The following CHRM2 variants were observed in gnomAD, a reference collection of about 807,000 sequenced individuals.
CHRM2 encodes cholinergic receptor muscarinic 2, also known as muscarinic acetylcholine receptor M2.
In CHRM2, 8 loss-of-function variants were observed where a neutral mutation model predicts 25.0. The observed-to-expected ratio is 0.32, with a 90% CI of 0.19 to 0.58. The LOEUF (loss-of-function observed/expected upper bound fraction) is 0.58, where lower values mean the gene tolerates loss of function less well. CHRM2 is among the 20% of genes least tolerant of loss of function. The pLI, the probability that CHRM2 is intolerant of heterozygous loss-of-function variation, is 0.88. For synonymous variants in CHRM2, 202 were observed against 205.7 expected, an observed-to-expected ratio of 0.98 and a Z score of 0.15; for missense variants, 440 against 567.1, an observed-to-expected ratio of 0.78 and a Z score of 2.28.
rs117586471 is a variant in CHRM2 at position 136,959,082 on chromosome 7, A to G, written c.-124-33105A>G. On this transcript the variant is annotated intron_variant, in intron 2 of 3. Transcript: ENST00000680005. Reference sequence around the variant, plus strand: ...TGAACCTCTTCTGGGATAGGCACCAATATCATGTGAACAATGGTGACCCAA... The same window carrying G: ...TGAACCTCTTCTGGGATAGGCACCAGTATCATGTGAACAATGGTGACCCAA... 1.7e-4 allele frequency among the ~76,000 whole-genome samples: 26 copies of G among 152,256 alleles called. No individual in the cohort carries two copies. The East Asian group carries it at 5.0e-3, about 29-fold the overall frequency.
intron 2 of CHRM2, among the ~76,000 whole-genome samples, chr7:136,985,504 C>CAAAAAAAAAAAAAAAAAAAAA (rs974105875): frequency 6.7e-5 from 4 of 59,756 alleles, no homozygotes; most frequent in Non-Finnish European, 1.1e-4. Flanking sequence ...AGTTAGACTC[C>CAAAAAAAAAAAAAAAAAAAAA]AAAAAAAAAA....
rs751591780 is a variant in CHRM2 at position 137,015,228 on chromosome 7, G to A, written c.363G>A (p.Arg121=). ...ATCTGCTCATCATCAGCTTTGACAG[G>A]TACTTCTGTGTCACAAAACCTCTGA... ...VMNLLIISFD[R]YFCVTKPLTY... is the part of the protein sequence containing the mutation. The change falls in exon 4 of 4, where the codon AGG becomes AGA. Residue 121 remains arginine, a synonymous_variant. Coordinates refer to ENST00000680005, the MANE Select transcript of CHRM2 (RefSeq NM_001006630.2). The surrounding 1 kb of genome is among the most constrained non-coding windows in gnomAD (Gnocchi z 5.1). The A allele has an allele frequency of 2.5e-6, 4 of 1,613,210 alleles. No homozygotes were observed. In the African/African-American group the frequency reaches 4.0e-5, roughly 16 times the overall value.
chr7:136,968,333 A>G (rs1249368777), intron 2 of CHRM2, among the ~76,000 whole-genome samples: 2 of 152,024 alleles, frequency 1.3e-5, no homozygotes, highest in Non-Finnish European at 2.9e-5. Context: ...ATAAGATATC[A>G]TCTGATACTT....
intron 2 of CHRM2, among the ~76,000 whole-genome samples, chr7:136,964,586 T>C (rs907740778): frequency 6.6e-6 from 1 of 152,210 alleles, no homozygotes; most frequent in Non-Finnish European, 1.5e-5. Flanking sequence ...AAAGGAAATA[T>C]TGGATTCCTT....
intron 2 of CHRM2, among the ~76,000 whole-genome samples, chr7:136,937,864 A>G (rs180963477): frequency 7.4e-4 from 112 of 152,334 alleles, no homozygotes; most frequent in African/African-American, 2.6e-3. Flanking sequence ...TTCTTTCACC[A>G]CCAAACACAC....
Position 137,015,566 on chromosome 7 carries a change from G to T in CHRM2, c.701G>T (p.Ser234Ile). The change falls in exon 4 of 4, where the codon AGT becomes ATT. Residue 234 changes from serine to isoleucine, a missense_variant. By Grantham distance (142) the Ser-to-Ile change is moderately radical. Transcript: ENST00000680005. This position sits in a 1 kb window ranked among gnomAD's most constrained non-coding sequence, Gnocchi z 5.1. ...PVANQDPVSP[S>I]LVQGRIVKPN... The stretch of plus-strand genomic sequence containing the variant: ...GCCAACCAAGACCCCGTTTCTCCAA[G>T]TCTGGTACAAGGAAGGATAGTGAAG... The T allele has an allele frequency of 6.2e-7, 1 of 1,612,896 alleles. No homozygotes were observed. Among genetic ancestry groups the T allele is most frequent in the Non-Finnish European group, 8.5e-7 (1 of 1,179,514 alleles).
chr7:136,986,134 G>A (rs1802838944), intron 2 of CHRM2, among the ~76,000 whole-genome samples: 1 of 152,180 alleles, frequency 6.6e-6, no homozygotes, highest in Admixed American at 6.5e-5. Flanking sequence ...CATTTGGACA[G>A]TGATGGAAAT....
intron 3 of CHRM2, among the ~76,000 whole-genome samples, chr7:136,996,083 G>T (rs1319537157): frequency 1.3e-5 from 2 of 151,820 alleles, no homozygotes; most frequent in Non-Finnish European, 2.9e-5. Context: ...AGTGTAAACT[G>T]CCTGATAAAT....
At chr7:137,011,215 G>GTGTGTGTGTGTA in intron 3 of CHRM2, among the ~76,000 whole-genome samples, 2 of 134,326 alleles carry the variant, frequency 1.5e-5, no homozygotes, top group Admixed American at 7.2e-5. Context: ...GTGTGTGTGT[G>GTGTGTGTGTGTA]TATATATATA....
Position 136,888,267 on chromosome 7 carries a change from G to C in CHRM2, c.-125+18849G>C, listed in dbSNP as rs535047082. 5.6e-4 allele frequency among the ~76,000 whole-genome samples: 85 copies of C among 152,252 alleles called. 1 individual carries two copies. Among genetic ancestry groups the C allele is most frequent in the African/African-American group, 2.0e-3 (82 of 41,542 alleles). On this transcript the variant is annotated intron_variant, in intron 2 of 3. Coordinates refer to ENST00000680005, the MANE Select transcript of CHRM2 (RefSeq NM_001006630.2). ...AGAAAGGCCTTATTGTCTTAAAATA[G>C]ATAGGAGCCAAATTCCCCTCTTCCC...
chr7:136,890,367 C>T (rs200882038), intron 2 of CHRM2, among the ~76,000 whole-genome samples: 1 of 152,284 alleles, frequency 6.6e-6, no homozygotes, highest in East Asian at 1.9e-4. Flanking sequence ...ATGTGTTGAT[C>T]GTATATTCTG....
chr7:136,988,314 G>A (rs1010111331), intron 2 of CHRM2, among the ~76,000 whole-genome samples: 14 of 151,730 alleles, frequency 9.2e-5, no homozygotes, highest in African/African-American at 3.4e-4. Flanking sequence ...GAGGGAAGGA[G>A]AGGGAAGGGA....
rs199644839 is a variant in CHRM2 at position 136,957,295 on chromosome 7, A to G, written c.-124-34892A>G. Reference sequence around the variant, plus strand: ...TGTGTGTGTGCACATGCACACATGTATGTGTGTATTTTCTAGAATAGCTCC... The same window carrying G: ...TGTGTGTGTGCACATGCACACATGTGTGTGTGTATTTTCTAGAATAGCTCC... On this transcript the variant is annotated intron_variant, in intron 2 of 3. Coordinates refer to ENST00000680005, the MANE Select transcript of CHRM2 (RefSeq NM_001006630.2). Among the ~76,000 whole-genome samples the G allele has an allele frequency of 8.5e-5, 13 of 152,180 alleles. No homozygotes were observed. In the East Asian group the frequency reaches 2.5e-3, roughly 29 times the overall value.
intron 2 of CHRM2, among the ~76,000 whole-genome samples, chr7:136,927,336 T>C (rs1231732229): frequency 1.3e-5 from 2 of 152,184 alleles, no homozygotes; most frequent in Non-Finnish European, 2.9e-5. Context: ...AGTGACTATG[T>C]GACCTTAGAT....
intron 3 of CHRM2, among the ~76,000 whole-genome samples, chr7:136,994,930 A>C (rs1477727571): frequency 2.6e-5 from 4 of 152,094 alleles, no homozygotes; most frequent in Admixed American, 1.3e-4. Flanking sequence ...ACTTCGTTGC[A>C]ATAGCCACCA....
At chr7:136,884,049 A>G (rs1004768448) in intron 2 of CHRM2, among the ~76,000 whole-genome samples, 7 of 152,184 alleles carry the variant, frequency 4.6e-5, no homozygotes, top group Non-Finnish European at 7.4e-5. Context: ...GGAGTAATGT[A>G]TTTTTAAAAA....
chr7:136,930,766 G>A (rs889223936), intron 2 of CHRM2, among the ~76,000 whole-genome samples: 37 of 151,214 alleles, frequency 2.4e-4, no homozygotes, highest in African/African-American at 6.5e-4. Context: ...TTGTGGTGGC[G>A]GGCACCTGTA....
At chr7:136,991,097 C>G (rs951169356) in intron 2 of CHRM2, among the ~76,000 whole-genome samples, 1 of 152,040 alleles carries the variant, frequency 6.6e-6, no homozygotes, top group Non-Finnish European at 1.5e-5. Context: ...TGCTCATTGT[C>G]TTCACATTGT....
intron 3 of CHRM2, among the ~76,000 whole-genome samples, chr7:136,993,694 C>A (rs1250838646): frequency 6.6e-6 from 1 of 152,090 alleles, no homozygotes; most frequent in African/African-American, 2.4e-5. Context: ...GACCTTATCT[C>A]TTTAGTAAAG....
Sources: gnomAD v4.1 joint callset for allele counts (sites outside exome capture counted in the v4.1 genomes callset) on GRCh38, gnomAD v4.1.1 for gene constraint, Gnocchi (gnomAD v3.1) non-coding constraint, MANE v1.5 for transcripts, NCBI Gene and HGNC (gene_info 2026-07-23, HGNC 2026-07-21) for gene names.